C12orf56: variants seen among roughly 807,000 people sequenced by gnomAD.
The protein encoded by C12orf56 is uncharacterized protein C12orf56.
In C12orf56, 71 loss-of-function variants were observed where a neutral mutation model predicts 69.9. That is an observed-to-expected ratio of 1.02 (90% CI 0.84 to 1.24). The LOEUF is 1.24. C12orf56 is among the 50% of genes most tolerant of loss of function. C12orf56 has a pLI of 0.00. For synonymous variants in C12orf56, 276 were observed against 274.1 expected, an observed-to-expected ratio of 1.01 and a Z score of -0.07; for missense variants, 732 against 738.5, an observed-to-expected ratio of 0.99 and a Z score of 0.10.
chr12:64,329,562 C>T (rs1474739219), intron 3 of C12orf56, among the ~76,000 whole-genome samples: 4 of 150,718 alleles, frequency 2.7e-5, no homozygotes, highest in African/African-American at 9.8e-5. Context: ...TTTTAGGGTA[C>T]ATGTGCACAT....
intron 3 of C12orf56, 65 bp from the exon 4 acceptor site, chr12:64,319,045 C>T (rs1253422995): frequency 5.9e-6 from 8 of 1,363,370 alleles, no homozygotes; most frequent in Middle Eastern, 1.9e-4. Context: ...CAAAGAGAAC[C>T]GGTAGTTTAA....
chr12:64,310,949 A>T (rs534479002), intron 5 of C12orf56, among the ~76,000 whole-genome samples: 1 of 148,224 alleles, frequency 6.7e-6, no homozygotes, highest in South Asian at 2.1e-4. Flanking sequence ...ATTCCCACCT[A>T]TGAGTGAGAA....
At chr12:64,388,119 G>A (rs552157408) in intron 1 of C12orf56, among the ~76,000 whole-genome samples, 9 of 152,078 alleles carry the variant, frequency 5.9e-5, no homozygotes, top group African/African-American at 1.4e-4. Flanking sequence ...ACAGGCATGC[G>A]CCACCACACC....
intron 1 of C12orf56, among the ~76,000 whole-genome samples, chr12:64,382,870 C>CAAA (rs57099747): frequency 5.1e-4 from 67 of 132,110 alleles, no homozygotes; most frequent in East Asian, 3.8e-3. Context: ...GACTCCGTTT[C>CAAA]AAAAAAAAAA....
At chr12:64,296,727 C>T (rs1253592421) in intron 6 of C12orf56, among the ~76,000 whole-genome samples, 1 of 152,306 alleles carries the variant, frequency 6.6e-6, no homozygotes, top group Middle Eastern at 3.4e-3. Flanking sequence ...GTTTTAGAAA[C>T]TAATCCCCAA....
intron 8 of C12orf56, among the ~76,000 whole-genome samples, chr12:64,279,045 G>C (rs1254172413): frequency 6.6e-6 from 1 of 151,798 alleles, no homozygotes; most frequent in Non-Finnish European, 1.5e-5. Context: ...TCCTTTTCTT[G>C]GTTTCTGTTA....
intron 5 of C12orf56, among the ~76,000 whole-genome samples, chr12:64,305,339 G>A (rs1378339595): frequency 3.3e-5 from 5 of 152,054 alleles, no homozygotes; most frequent in African/African-American, 1.2e-4. Context: ...GTGTAAAATA[G>A]GAATAATGAT....
At chr12:64,325,368 A>AT (rs2038824485) in intron 3 of C12orf56, among the ~76,000 whole-genome samples, 1 of 80,368 alleles carries the variant, frequency 1.2e-5, no homozygotes, top group Admixed American at 1.6e-4. Flanking sequence ...GTCTAAAAAA[A>AT]AAAAAAGAAG....
At chr12:64,299,796 G>A (rs1458073556) in intron 6 of C12orf56, among the ~76,000 whole-genome samples, 1 of 151,978 alleles carries the variant, frequency 6.6e-6, no homozygotes, top group Admixed American at 6.6e-5. Flanking sequence ...ACACAGATTA[G>A]GCATGAAAAC....
intron 5 of C12orf56, among the ~76,000 whole-genome samples, chr12:64,310,042 T>C (rs73116173): frequency 0.41 from 62,036 of 150,976 alleles, 12,790 homozygotes; most frequent in African/African-American, 0.43. Flanking sequence ...CTTTTAGAAA[T>C]GGTCTCTCTC....
chr12:64,329,232 C>T (rs2038893636), intron 3 of C12orf56, among the ~76,000 whole-genome samples: 1 of 152,138 alleles, frequency 6.6e-6, no homozygotes. Context: ...TCCCTTCTGA[C>T]ATCCTTATTT....
intron 1 of C12orf56, among the ~76,000 whole-genome samples, chr12:64,372,606 C>T (rs558912964): frequency 1.3e-5 from 2 of 152,314 alleles, no homozygotes; most frequent in East Asian, 3.9e-4. Flanking sequence ...CCACTGCCTC[C>T]AGGTTCAAGC....
At chr12:64,343,577 C>T (rs1174637620) in intron 2 of C12orf56, among the ~76,000 whole-genome samples, 1 of 152,190 alleles carries the variant, frequency 6.6e-6, no homozygotes, top group Non-Finnish European at 1.5e-5. Flanking sequence ...TGTTAATTTG[C>T]TCAAGCAATG....
intron 3 of C12orf56, among the ~76,000 whole-genome samples, chr12:64,330,261 A>T (rs182824342): frequency 6.6e-6 from 1 of 152,212 alleles, no homozygotes; most frequent in Non-Finnish European, 1.5e-5. Context: ...AATGAAATGT[A>T]AAGTCTTCAT....
rs1290311749 is a variant in C12orf56 at position 64,309,624 on chromosome 12, C to A, written c.968+3055G>T. 2.0e-5 allele frequency among the ~76,000 whole-genome samples: 3 copies of A among 152,316 alleles called. No homozygotes were observed. In the East Asian group the frequency reaches 5.8e-4, roughly 29 times the overall value. On this transcript the variant is annotated intron_variant, in intron 5 of 12. Transcript: ENST00000543942. ...CTCCCAGGTTCAAGTGATTCTCATA[C>A]CTCAGCCTCCCAAGTAGCTGGGATT...
At chr12:64,274,615 C>T (rs533318098) in intron 11 of C12orf56, among the ~76,000 whole-genome samples, 1 of 152,222 alleles carries the variant, frequency 6.6e-6, no homozygotes, top group East Asian at 1.9e-4. Context: ...TATCTTTTTA[C>T]CTAATTATAC....
chr12:64,274,249 G>A (rs2038023949), intron 11 of C12orf56, among the ~76,000 whole-genome samples: 1 of 152,160 alleles, frequency 6.6e-6, no homozygotes, highest in Non-Finnish European at 1.5e-5. Context: ...AGGGAGGGGG[G>A]TGGTGGTGGG....
chr12:64,369,343 A>C lies in C12orf56; in HGVS notation c.253-16287T>G, dbSNP rs1431332848. On this transcript the variant is annotated intron_variant, in intron 1 of 12. Transcript: ENST00000543942. ...CTCCCAAATAGCTGGGATTACAGGC[A>C]TGTGCCACCACGCCCGGCTAATTTT... Among the ~76,000 whole-genome samples the C allele has an allele frequency of 1.1e-4, 17 of 151,952 alleles. No homozygotes were observed. In the East Asian group the frequency reaches 3.3e-3, roughly 30 times the overall value.
intron 8 of C12orf56, among the ~76,000 whole-genome samples, chr12:64,280,276 G>C (rs1427939803): frequency 6.6e-6 from 1 of 152,154 alleles, no homozygotes; most frequent in African/African-American, 2.4e-5. Flanking sequence ...CCTGAAAATA[G>C]AGATAACTTA....
Sources: gnomAD v4.1 joint callset for allele counts (sites outside exome capture counted in the v4.1 genomes callset) on GRCh38, gnomAD v4.1.1 for gene constraint, MANE v1.5 for transcripts, NCBI Gene and HGNC (gene_info 2026-07-23, HGNC 2026-07-21) for gene names.